Variants in SLC24A2 observed in about 807,000 individuals in gnomAD.
SLC24A2 encodes solute carrier family 24 member 2.
SLC24A2 carries 36 observed loss-of-function variants against 62.0 expected under a neutral mutation model. The ratio of observed to expected loss-of-function variants is 0.58; its 90% CI spans 0.44 to 0.77. SLC24A2 has a LOEUF of 0.77. Ranked by LOEUF, SLC24A2 falls within the 30% of genes least tolerant of loss-of-function variation. The pLI is 0.00. For synonymous variants in SLC24A2, 358 were observed against 294.0 expected, an observed-to-expected ratio of 1.22 and a Z score of -2.23; for missense variants, 846 against 817.9, an observed-to-expected ratio of 1.03 and a Z score of -0.42.
chr9:20,152,783 A>G, the SLC24A2 span, among the ~76,000 whole-genome samples: 1 of 151,802 alleles, frequency 6.6e-6, no homozygotes, highest in African/African-American at 2.4e-5. Flanking sequence ...CTCTTCCCTG[A>G]AATGTTCACT....
At chr9:20,176,345 G>C in the SLC24A2 span, among the ~76,000 whole-genome samples, 7 of 152,156 alleles carry the variant, frequency 4.6e-5, no homozygotes, top group South Asian at 8.3e-4. Flanking sequence ...TGTGATTTCA[G>C]TTAGATGAAT....
chr9:19,856,444 G>C, the SLC24A2 span, among the ~76,000 whole-genome samples: 1 of 151,996 alleles, frequency 6.6e-6, no homozygotes, highest in Non-Finnish European at 1.5e-5. Context: ...CGAACTTTGA[G>C]GCTGCTGACC....
At chr9:20,251,660 C>G in the SLC24A2 span, among the ~76,000 whole-genome samples, 2 of 152,140 alleles carry the variant, frequency 1.3e-5, no homozygotes, top group Non-Finnish European at 2.9e-5. Flanking sequence ...ATACCTTTAG[C>G]TGCAGCAATT....
the SLC24A2 span, among the ~76,000 whole-genome samples, chr9:20,048,543 A>G: frequency 6.6e-6 from 1 of 152,244 alleles, no homozygotes; most frequent in African/African-American, 2.4e-5. Flanking sequence ...TCACAAAGCT[A>G]GTCTGAAAAA....
At chr9:19,713,092 C>T (rs1820760146) in intron 2 of SLC24A2, among the ~76,000 whole-genome samples, 1 of 152,134 alleles carries the variant, frequency 6.6e-6, no homozygotes, top group African/African-American at 2.4e-5. Context: ...TTTTTCTTCC[C>T]AGTATTTATC....
the SLC24A2 span, among the ~76,000 whole-genome samples, chr9:20,207,438 C>CGAG: frequency 5.9e-5 from 9 of 152,314 alleles, no homozygotes; most frequent in East Asian, 1.5e-3. Context: ...CTCACACACT[C>CGAG]TATACAGGTC....
chr9:20,252,534 G>A, the SLC24A2 span, among the ~76,000 whole-genome samples: 1 of 152,266 alleles, frequency 6.6e-6, no homozygotes, highest in Admixed American at 6.5e-5. Context: ...TAGAGCACTT[G>A]TTTCCAAAGT....
At chr9:20,143,478 G>A in the SLC24A2 span, among the ~76,000 whole-genome samples, 5 of 152,134 alleles carry the variant, frequency 3.3e-5, no homozygotes, top group African/African-American at 1.2e-4. Context: ...ATGAAAATTC[G>A]ACCAGACTAT....
chr9:19,820,621 T>A, the SLC24A2 span, among the ~76,000 whole-genome samples: 7 of 151,936 alleles, frequency 4.6e-5, no homozygotes, highest in African/African-American at 1.7e-4. Flanking sequence ...TTAAAAAAAT[T>A]ACCAGGGTGA....
chr9:19,846,760 C>G, the SLC24A2 span, among the ~76,000 whole-genome samples: 1 of 152,022 alleles, frequency 6.6e-6, no homozygotes, highest in African/African-American at 2.4e-5. Flanking sequence ...GGCACAGTAG[C>G]TCATGTCTGT....
At chr9:19,769,930 G>A (rs1354645359) in intron 2 of SLC24A2, among the ~76,000 whole-genome samples, 1 of 151,966 alleles carries the variant, frequency 6.6e-6, no homozygotes, top group East Asian at 1.9e-4. Flanking sequence ...CTGCTTAAAG[G>A]CACTAAATAG....
chr9:20,168,228 A>G, the SLC24A2 span, among the ~76,000 whole-genome samples: 39,401 of 151,916 alleles, frequency 0.26, 6,700 homozygotes, highest in African/African-American at 0.49. Context: ...ATGACTAAAA[A>G]CTAGTCAATC....
At chr9:20,100,369 A>T in the SLC24A2 span, among the ~76,000 whole-genome samples, 1 of 151,926 alleles carries the variant, frequency 6.6e-6, no homozygotes, top group Admixed American at 6.6e-5. Context: ...CCTCCTACTC[A>T]CCTTTTAGTT....
chr9:20,265,764 G>C, the SLC24A2 span, among the ~76,000 whole-genome samples: 3 of 152,216 alleles, frequency 2.0e-5, no homozygotes, highest in Non-Finnish European at 4.4e-5. Context: ...AGGTGGAACA[G>C]AGCCATATTT....
the SLC24A2 span, among the ~76,000 whole-genome samples, chr9:20,288,427 T>G: frequency 6.7e-6 from 1 of 150,090 alleles, no homozygotes; most frequent in African/African-American, 2.5e-5. Context: ...GTGCGGGAGG[T>G]GGGGTAGTGG....
the SLC24A2 span, among the ~76,000 whole-genome samples, chr9:20,029,391 A>C: frequency 6.6e-6 from 1 of 152,312 alleles, no homozygotes; most frequent in Non-Finnish European, 1.5e-5. Context: ...GGGCAAGGTG[A>C]ATTGCTTTAC....
chr9:20,206,920 A>G, the SLC24A2 span, among the ~76,000 whole-genome samples: 1 of 152,002 alleles, frequency 6.6e-6, no homozygotes, highest in South Asian at 2.1e-4. Context: ...ATTCCAATGA[A>G]TAAAGAAGTC....
At chr9:19,629,666 A>T (rs1818126556) in intron 2 of SLC24A2, among the ~76,000 whole-genome samples, 1 of 152,188 alleles carries the variant, frequency 6.6e-6, no homozygotes, top group South Asian at 2.1e-4. Context: ...GTAGGTGGGA[A>T]AAAAGGGCCC....
At chr9:20,122,685 C>T in the SLC24A2 span, among the ~76,000 whole-genome samples, 1 of 151,710 alleles carries the variant, frequency 6.6e-6, no homozygotes, top group South Asian at 2.1e-4. Flanking sequence ...GACTCTGTCT[C>T]GAAAAAACAA....
Sources: gnomAD v4.1 joint callset for allele counts (sites outside exome capture counted in the v4.1 genomes callset) on GRCh38, gnomAD v4.1.1 for gene constraint, MANE v1.5 for transcripts, NCBI Gene and HGNC (gene_info 2026-07-23, HGNC 2026-07-21) for gene names.